SATB2: variants seen among roughly 807,000 people sequenced by gnomAD.
The protein encoded by SATB2 is SATB homeobox 2, also known as DNA-binding protein SATB2.
SATB2 carries 1 observed loss-of-function variant against 73.4 expected under a neutral mutation model. The ratio of observed to expected loss-of-function variants is 0.01; its 90% CI spans 0.00 to 0.06. The LOEUF is 0.06. Among genes scored for constraint, SATB2 ranks in the 10% least tolerant of loss-of-function variants. SATB2 has a pLI of 1.00. For synonymous variants in SATB2, 397 were observed against 367.0 expected (o/e 1.08, Z -0.93); for missense variants, 459 against 945.8 (o/e 0.49, Z 6.75).
At chr2:199,330,781 A>T (rs1324061453) in intron 7 of SATB2, among the ~76,000 whole-genome samples, 1 of 152,176 alleles carries the variant, frequency 6.6e-6, no homozygotes, top group African/African-American at 2.4e-5. Context: ...AGCAAAGTGG[A>T]TTTCAACTTT....
intron 6 of SATB2, among the ~76,000 whole-genome samples, chr2:199,355,313 T>C (rs1241825725): frequency 6.9e-6 from 1 of 145,000 alleles, no homozygotes; most frequent in Non-Finnish European, 1.5e-5. Flanking sequence ...GATGTATGTA[T>C]ATACATATGT....
In SATB2 at chr2:199,305,459, C is replaced by T. The variant is rs559741285; in HGVS notation, c.1740+3301G>A. On this transcript the variant is annotated intron_variant, in intron 10 of 10. Transcript: ENST00000417098. ...AACAGGCCCCCATGATACAAGTTTA[C>T]CTATGTAATGAACCTGTACATGTAC... Among the ~76,000 whole-genome samples, 43 of 152,222 alleles carry T rather than the reference C, an allele frequency of 2.8e-4. 1 individual carries two copies. In the East Asian group the frequency reaches 7.9e-3, roughly 28 times the overall value.
chr2:199,309,019 G>T, intron 9 of SATB2, 62 bp from the exon 10 acceptor site: 1 of 1,339,924 alleles, frequency 7.5e-7, no homozygotes, highest in Non-Finnish European at 1.1e-6. Flanking sequence ...AGGGGGCCTT[G>T]ACTGCGGTCC....
upstream of SATB2, among the ~76,000 whole-genome samples, chr2:199,459,378 G>A (rs1289682917): frequency 6.6e-6 from 1 of 152,132 alleles, no homozygotes; most frequent in Admixed American, 6.5e-5. The surrounding 1 kb of genome is among the most constrained non-coding windows in gnomAD (Gnocchi z 4.2). Flanking sequence ...AAGGTGGCGC[G>A]GGCACTAGCC....
At position 199,455,168 on chromosome 2, in the gene SATB2, A is replaced by C. The variant is rs1692237249; in HGVS notation, c.169+701T>G. ...TAGTTGCTTAAGTAGTAAAAACTACAAAAGATTTTCTTTAAATAAAATTAT... is the reference window on the plus strand; with the variant it reads ...TAGTTGCTTAAGTAGTAAAAACTACCAAAGATTTTCTTTAAATAAAATTAT... On this transcript the variant is annotated intron_variant, in intron 2 of 10. Transcript: ENST00000417098. The surrounding 1 kb of genome is among the most constrained non-coding windows in gnomAD (Gnocchi z 4.1). Among the ~76,000 whole-genome samples the C allele has an allele frequency of 6.6e-6, 1 of 152,246 alleles. No individual in the cohort carries two copies. Among genetic ancestry groups the C allele is most frequent in the Non-Finnish European group, 1.5e-5 (1 of 68,038 alleles).
intron 7 of SATB2, among the ~76,000 whole-genome samples, chr2:199,339,037 T>C (rs1353577994): frequency 2.0e-5 from 3 of 152,084 alleles, no homozygotes; most frequent in Non-Finnish European, 4.4e-5. Flanking sequence ...TTCTTTTACA[T>C]ACAAGTCTCT....
intron 6 of SATB2, among the ~76,000 whole-genome samples, chr2:199,365,490 T>G (rs746402427): frequency 6.6e-6 from 1 of 152,102 alleles, no homozygotes; most frequent in Non-Finnish European, 1.5e-5. Flanking sequence ...GTGTCAACCA[T>G]GATTGTCTTT....
chr2:199,460,133 T>C (rs1187454666), upstream of SATB2, among the ~76,000 whole-genome samples: 1 of 152,034 alleles, frequency 6.6e-6, no homozygotes, highest in Non-Finnish European at 1.5e-5. The surrounding 1 kb of genome is among the most constrained non-coding windows in gnomAD (Gnocchi z 4.0). Context: ...CCTGGTTTTC[T>C]TCACCAAGCC....
intron 2 of SATB2, among the ~76,000 whole-genome samples, chr2:199,451,370 G>A (rs866851640): frequency 6.7e-6 from 1 of 149,394 alleles, no homozygotes; most frequent in Non-Finnish European, 1.5e-5. Context: ...TTCTACCTCA[G>A]CAAAACTACA....
In SATB2 at chr2:199,272,022, A is replaced by G. The variant is rs577064187; in HGVS notation, c.*189T>C. The G allele has an allele frequency of 8.4e-4, 542 of 646,964 alleles. 1 individual carries two copies. The highest frequency in any genetic ancestry group is 1.1e-3 in the Non-Finnish European group (395 of 366,564). 40.1% of individuals were successfully genotyped at this position (646,964 alleles called of 1,614,324 possible). The stretch of plus-strand genomic sequence containing the variant: ...CGGAAATACTGAACTTATTCAGTCT[A>G]TAGGTGTATCCTGTGCAACAAAGAA... On this transcript the variant is annotated 3_prime_UTR_variant, in exon 11 of 11. Coordinates refer to ENST00000417098, the MANE Select transcript of SATB2 (RefSeq NM_001172509.2). This position sits in a 1 kb window ranked among gnomAD's most constrained non-coding sequence, Gnocchi z 6.7.
chr2:199,361,004 C>T (rs1255144195), intron 6 of SATB2, among the ~76,000 whole-genome samples: 1 of 152,142 alleles, frequency 6.6e-6, no homozygotes, highest in Non-Finnish European at 1.5e-5. Flanking sequence ...GCTGCATCTT[C>T]TTAACTCCTG....
Position 199,463,534 on chromosome 2 carries a change from C to T in SATB2, c.-141+1302G>A, listed in dbSNP as rs1453374068. Among the ~76,000 whole-genome samples, 3 of 152,320 alleles carry T rather than the reference C, an allele frequency of 2.0e-5. No individual in the cohort carries two copies. The highest frequency in any genetic ancestry group is 1.9e-4 in the East Asian group (1 of 5,146). ...TCGAGCCCGGGTCACTGCCCGGGTC[C>T]CGGCCCGGAGCCCCAGCGTCCTCTC... On this transcript the variant is annotated intron_variant, in intron 1 of 11. Transcript: ENST00000260926. This position sits in a 1 kb window ranked among gnomAD's most constrained non-coding sequence, Gnocchi z 6.4.
chr2:199,458,411 C>A, upstream of SATB2: 2 of 374,792 alleles, frequency 5.3e-6, no homozygotes, highest in Middle Eastern at 6.2e-4. Flanking sequence ...TGACGAGGAC[C>A]TCATGCACGA....
At chr2:199,356,225 CAAAAAAA>C (rs200509001) in intron 6 of SATB2, among the ~76,000 whole-genome samples, 11 of 100,980 alleles carry the variant, frequency 1.1e-4, no homozygotes, top group African/African-American at 1.5e-4. Flanking sequence ...GAACATAAGC[CAAAAAAA>C]AAAAAAAAAA....
chr2:199,420,095 T>C (rs886167953), intron 3 of SATB2, among the ~76,000 whole-genome samples: 1 of 152,198 alleles, frequency 6.6e-6, no homozygotes, highest in Non-Finnish European at 1.5e-5. Context: ...AGAAACAGAA[T>C]GCCTGGGTTT....
At chr2:199,284,147 T>C (rs556698573) in intron 10 of SATB2, among the ~76,000 whole-genome samples, 1 of 152,338 alleles carries the variant, frequency 6.6e-6, no homozygotes, top group Non-Finnish European at 1.5e-5. Context: ...GGCCACCATA[T>C]GCTTAATAGT....
chr2:199,445,694 T>G (rs543445245), intron 2 of SATB2, among the ~76,000 whole-genome samples: 1 of 152,198 alleles, frequency 6.6e-6, no homozygotes, highest in Non-Finnish European at 1.5e-5. Flanking sequence ...TGACTTTACC[T>G]GGTTATTAAA....
At chr2:199,364,351 C>T (rs1306866311) in intron 6 of SATB2, among the ~76,000 whole-genome samples, 1 of 152,124 alleles carries the variant, frequency 6.6e-6, no homozygotes, top group Admixed American at 6.5e-5. Flanking sequence ...TTACTGTCTG[C>T]CTGCTGGCCT....
upstream of SATB2, among the ~76,000 whole-genome samples, chr2:199,466,555 G>A (rs867744860): frequency 1.3e-5 from 2 of 152,166 alleles, no homozygotes; most frequent in African/African-American, 2.4e-5. Context: ...TGGAAGGATT[G>A]GCAAGGAAAG....
Sources: allele counts gnomAD v4.1 joint callset (sites outside exome capture counted in the v4.1 genomes callset), GRCh38; gene constraint gnomAD v4.1.1; non-coding constraint Gnocchi (gnomAD v3.1); transcripts MANE v1.5; gene names NCBI Gene and HGNC (gene_info 2026-07-23, HGNC 2026-07-21).